Variants in MTUS2 observed in about 807,000 individuals in gnomAD.
The protein encoded by MTUS2 is microtubule-associated tumor suppressor candidate 2.
In MTUS2, 40 loss-of-function variants were observed where a neutral mutation model predicts 114.1. The ratio of observed to expected loss-of-function variants is 0.35; its 90% CI spans 0.27 to 0.46. MTUS2 has a LOEUF of 0.46. Ranked by LOEUF, MTUS2 falls within the 20% of genes least tolerant of loss-of-function variation. The pLI is 1.00. For missense variants in MTUS2, 1,679 were observed against 1,705.4 expected, an observed-to-expected ratio of 0.98 and a Z score of 0.27; for synonymous variants, 688 against 672.0, an observed-to-expected ratio of 1.02 and a Z score of -0.37.
In MTUS2 at chr13:29,380,413, A is replaced by C. The variant is rs1056883943; in HGVS notation, c.3117+20940A>C. 5.3e-5 allele frequency among the ~76,000 whole-genome samples: 8 copies of C among 152,232 alleles called. 1 individual carries two copies. The highest frequency in any genetic ancestry group is 1.2e-4 in the Non-Finnish European group (8 of 68,040). On this transcript the variant is annotated intron_variant, in intron 8 of 15. Coordinates refer to ENST00000612955, the MANE Select transcript of MTUS2 (RefSeq NM_001033602.4). ...AAACACTTGCTTCATCTTTAAAGAC[A>C]AATAGTTTGAAGTGGGGAGTTCCCA...
intron 2 of MTUS2, among the ~76,000 whole-genome samples, chr13:28,894,549 C>T (rs889471384): frequency 5.3e-5 from 8 of 152,258 alleles, no homozygotes; most frequent in Middle Eastern, 3.4e-3. Flanking sequence ...CTGTCCACTC[C>T]GTGGTGTTTT....
chr13:28,936,856 G>A (rs1369270518), intron 2 of MTUS2, among the ~76,000 whole-genome samples: 1 of 152,136 alleles, frequency 6.6e-6, no homozygotes, highest in East Asian at 1.9e-4. Flanking sequence ...AGTGGGCAGG[G>A]GAAGCCTGTC....
intron 9 of MTUS2, among the ~76,000 whole-genome samples, chr13:29,441,393 C>T (rs969395554): frequency 3.3e-5 from 5 of 152,196 alleles, no homozygotes; most frequent in African/African-American, 1.2e-4. Flanking sequence ...CTCATCCTTC[C>T]TCTTTGCCAT....
chr13:29,379,644 T>C (rs1446622243), intron 8 of MTUS2, among the ~76,000 whole-genome samples: 4 of 152,112 alleles, frequency 2.6e-5, no homozygotes, highest in East Asian at 1.9e-4. Context: ...GTGCCTGTTC[T>C]TACCGTCATC....
intron 1 of MTUS2, 88 bp downstream of exon 1, chr13:28,820,699 T>A (rs1022275160): frequency 2.0e-5 from 3 of 151,914 alleles, no homozygotes; most frequent in Non-Finnish European, 2.9e-5. Flanking sequence ...TGAGCGGAGT[T>A]GGGGAGCGCG....
intron 14 of MTUS2, among the ~76,000 whole-genome samples, chr13:29,500,717 T>C (rs1882831818): frequency 6.6e-6 from 1 of 151,906 alleles, no homozygotes; most frequent in Non-Finnish European, 1.5e-5. Flanking sequence ...GAGGTCCTAG[T>C]GGTATTCATG....
At chr13:29,123,262 TTTTA>T (rs1172868633) in intron 5 of MTUS2, among the ~76,000 whole-genome samples, 7 of 152,164 alleles carry the variant, frequency 4.6e-5, no homozygotes, top group African/African-American at 9.7e-5. Context: ...TAGCTACTGA[TTTTA>T]TTTTTTTCAT....
At chr13:29,253,181 T>A (rs560300068) in intron 5 of MTUS2, among the ~76,000 whole-genome samples, 2 of 152,032 alleles carry the variant, frequency 1.3e-5, no homozygotes, top group East Asian at 3.9e-4. Flanking sequence ...ATTCTAGCAC[T>A]TTGGGAGGCC....
intron 4 of MTUS2, among the ~76,000 whole-genome samples, chr13:29,052,040 AGCACT>A (rs1393348577): frequency 6.6e-6 from 1 of 152,228 alleles, no homozygotes. Flanking sequence ...AAATAGACAC[AGCACT>A]GTCAGCTGTC....
intron 5 of MTUS2, among the ~76,000 whole-genome samples, chr13:29,124,670 G>A (rs756334849): frequency 2.0e-5 from 3 of 152,092 alleles, no homozygotes; most frequent in Non-Finnish European, 4.4e-5. Context: ...GTCAAGAGGT[G>A]GTAACAGACC....
chr13:28,832,318 G>A (rs1874743443), intron 1 of MTUS2, among the ~76,000 whole-genome samples: 1 of 152,132 alleles, frequency 6.6e-6, no homozygotes, highest in South Asian at 2.1e-4. Flanking sequence ...TACAGAATAT[G>A]TTCCCTGACC....
chr13:29,470,236 G>T (rs1034396079), intron 9 of MTUS2, among the ~76,000 whole-genome samples: 3 of 152,114 alleles, frequency 2.0e-5, no homozygotes, highest in African/African-American at 7.2e-5. Flanking sequence ...ATACACCACA[G>T]CATGTGAACC....
At chr13:29,264,006 C>T (rs1897574755) in intron 5 of MTUS2, among the ~76,000 whole-genome samples, 1 of 152,212 alleles carries the variant, frequency 6.6e-6, no homozygotes, top group Non-Finnish European at 1.5e-5. Context: ...TCCAAAGGCT[C>T]ATCTGAGACA....
At chr13:29,010,583 A>G (rs956307489) in intron 2 of MTUS2, among the ~76,000 whole-genome samples, 32 of 151,964 alleles carry the variant, frequency 2.1e-4, no homozygotes, top group African/African-American at 7.7e-4. Context: ...GAAGGCCGCC[A>G]CATGCGGACC....
At chr13:28,847,338 G>A (rs1443142801) in intron 2 of MTUS2, among the ~76,000 whole-genome samples, 1 of 151,990 alleles carries the variant, frequency 6.6e-6, no homozygotes, top group Non-Finnish European at 1.5e-5. Flanking sequence ...ATAAGTTTTT[G>A]CCTCCCAGAT....
chr13:29,428,569 C>T, intron 8 of MTUS2: 1 of 767,296 alleles, frequency 1.3e-6, no homozygotes, highest in Non-Finnish European at 1.9e-6. Flanking sequence ...AAGTGACCCT[C>T]CCTCCTGCCT....
intron 2 of MTUS2, among the ~76,000 whole-genome samples, chr13:28,921,806 A>G (rs1881056836): frequency 6.6e-6 from 1 of 152,026 alleles, no homozygotes. Flanking sequence ...CTCCAATATA[A>G]CAGGACAGCA....
intron 5 of MTUS2, among the ~76,000 whole-genome samples, chr13:29,150,805 C>T (rs1032791026): frequency 1.3e-5 from 2 of 152,138 alleles, no homozygotes; most frequent in Admixed American, 6.6e-5. Context: ...GTCCTTTCCC[C>T]ATGGCTTATT....
chr13:29,060,397 C>T (rs928754426), intron 4 of MTUS2, among the ~76,000 whole-genome samples: 8 of 152,072 alleles, frequency 5.3e-5, no homozygotes, highest in African/African-American at 1.9e-4. Context: ...CTCACTCTTT[C>T]CCAAGTTGCT....
Sources: allele counts gnomAD v4.1 joint callset (sites outside exome capture counted in the v4.1 genomes callset), GRCh38; gene constraint gnomAD v4.1.1; transcripts MANE v1.5; gene names NCBI Gene and HGNC (gene_info 2026-07-23, HGNC 2026-07-21).